SBDS: variants seen among roughly 807,000 people sequenced by gnomAD.
SBDS encodes ribosome maturation protein SBDS.
Under a neutral mutation model 26.4 loss-of-function variants are expected in SBDS, and 20 were observed. The ratio of observed to expected loss-of-function variants is 0.76; its 90% confidence interval spans 0.53 to 1.10. The LOEUF is 1.10. SBDS is among the 50% of genes least tolerant of loss of function. The pLI is 0.00. For missense variants in SBDS, 241 were observed against 302.0 expected, an observed-to-expected ratio of 0.80 and a Z score of 1.50; for synonymous variants, 95 against 105.1, an observed-to-expected ratio of 0.90 and a Z score of 0.59.
At chr7:66,990,095 C>A (rs1211524586) in intron 4 of SBDS, among the ~76,000 whole-genome samples, 18 of 151,618 alleles carry the variant, frequency 1.2e-4, no homozygotes, top group Non-Finnish European at 1.5e-5. Context: ...TCTTGGCTCA[C>A]CGCAACCTCT....
intron 2 of SBDS, 97 bp downstream of exon 2, chr7:66,994,115 A>G: frequency 1.7e-6 from 2 of 1,165,126 alleles, no homozygotes; most frequent in Non-Finnish European, 2.6e-6. Context: ...TTGCTTGGTT[A>G]GTCTTTCCTC....
chr7:66,994,962 A>G (rs1006241374), intron 1 of SBDS, among the ~76,000 whole-genome samples: 8 of 152,188 alleles, frequency 5.3e-5, no homozygotes, highest in African/African-American at 1.7e-4. Flanking sequence ...ACCCACAACT[A>G]TGACAGTATT....
Position 66,995,403 on chromosome 7 carries a change from G to A in SBDS, c.15C>T (p.Thr5=), listed in dbSNP as rs757728020. 3.1e-6 allele frequency: 5 copies of A among 1,613,898 alleles called. No homozygotes were observed. The South Asian group carries it at 4.4e-5, about 14-fold the overall frequency. The change falls in exon 1 of 5, where the codon ACC becomes ACT. Residue 5 remains threonine (T), a synonymous_variant. Coordinates refer to ENST00000246868, the MANE Select transcript of SBDS (RefSeq NM_016038.4). ...TGGTTAGGCGGATCTGGTTGGTGGG[G>A]GTGAAGATCGACATCGCGGCTGTTC... is the stretch of plus-strand genomic sequence containing the variant. MSIF[T]PTNQIRLTNV... is the part of the protein sequence containing the mutation.
chr7:66,994,907 G>A (rs1383395591), intron 1 of SBDS, among the ~76,000 whole-genome samples: 2 of 152,164 alleles, frequency 1.3e-5, no homozygotes, highest in Non-Finnish European at 2.9e-5. Context: ...AAGACACTAC[G>A]CACTTTAAAC....
At chr7:66,989,899 G>T (rs949879945) in intron 4 of SBDS, among the ~76,000 whole-genome samples, 32 of 147,806 alleles carry the variant, frequency 2.2e-4, no homozygotes, top group Admixed American at 5.4e-4. Flanking sequence ...ACAATAACAA[G>T]GTCCTAGCTT....
intron 3 of SBDS, among the ~76,000 whole-genome samples, chr7:66,991,694 G>T (rs2129231854): frequency 6.7e-6 from 1 of 149,258 alleles, no homozygotes; most frequent in African/African-American, 2.5e-5. Context: ...AGCTACTCAA[G>T]AGGCTGAGGC....
intron 2 of SBDS, among the ~76,000 whole-genome samples, chr7:66,993,669 T>A (rs1181080559): frequency 1.3e-4 from 20 of 151,452 alleles, no homozygotes; most frequent in Admixed American, 1.2e-3. Context: ...AGGTCAGGAG[T>A]TTGAGACCAA....
intron 3 of SBDS, among the ~76,000 whole-genome samples, chr7:66,992,052 C>G (rs538362937): frequency 3.4e-4 from 52 of 152,252 alleles, no homozygotes; most frequent in Admixed American, 1.3e-3. Context: ...CAGAAACATA[C>G]AAGAAATTTT....
rs28437651 is a variant in SBDS at position 66,995,106 on chromosome 7, G to T, written c.128+184C>A. Reference sequence around the variant, plus strand: ...ACCCAATCCGAACCAACCAAATAAAGAAGAAACCCTTGGCTTAGGCGCCAA... The same window carrying T: ...ACCCAATCCGAACCAACCAAATAAATAAGAAACCCTTGGCTTAGGCGCCAA... On this transcript the variant is annotated intron_variant, in intron 1 of 4. Transcript: ENST00000246868. The T allele has an allele frequency of 5.9e-4, 471 of 793,532 alleles. 4 individuals carry two copies. In the African/African-American group the frequency reaches 7.1e-3, roughly 12 times the overall value. The allele number at this position is 793,532 out of a possible 1,614,324, so 49.2% of individuals were successfully genotyped here. A position where few individuals can be genotyped will look rare whatever the true frequency, so the allele number is the denominator to read the frequency against.
At position 66,994,334 on chromosome 7, in the gene SBDS, C is replaced by G; in HGVS notation, c.136G>C (p.Asp46His). 6.2e-7 allele frequency: 1 copy of G among 1,613,918 alleles called. No individual in the cohort carries two copies. The highest frequency in any genetic ancestry group is 8.5e-7 in the Non-Finnish European group (1 of 1,179,888). ...VVGWRSGVEK[D>H]LDEVLQTHSV... is the part of the protein sequence containing the mutation. ...TGGGTCTGCAGAACTTCATCGAGGT[C>G]TTTTTCCCTTGTGAGGGCAGGAGAG... The change falls in exon 2 of 5, where the codon GAC becomes CAC. Residue 46 changes from aspartate to histidine, a missense_variant. Physicochemically the swap from Asp to His is moderately conservative, Grantham distance 81 (BLOSUM62 -1). Transcript: ENST00000246868.
In SBDS at chr7:66,994,312, G is replaced by A. The variant is rs1793040348; in HGVS notation, c.158C>T (p.Thr53Ile). Residue 53 changes from threonine (T) to isoleucine (I), a missense_variant, in exon 2 of 5, where the codon ACC becomes ATC. Thr to Ile is a moderately conservative substitution (Grantham distance 89, BLOSUM62 -1). Transcript: ENST00000246868. ...AGAAACATTTACAAACACTGAGTGG[G>A]TCTGCAGAACTTCATCGAGGTCTTT... The part of the protein sequence containing the change: ...VEKDLDEVLQ[T>I]HSVFVNVSKG... 4 of 1,613,806 alleles carry A rather than the reference G, an allele frequency of 2.5e-6. No homozygotes were observed. Among genetic ancestry groups the A allele is most frequent in the Non-Finnish European group, 3.4e-6 (4 of 1,179,878 alleles).
Position 66,988,357 on chromosome 7 carries a change from G to C in SBDS, c.*14C>G. The C allele has an allele frequency of 1.9e-6, 3 of 1,612,560 alleles. No homozygotes were observed. The highest frequency in any genetic ancestry group is 2.5e-6 in the Non-Finnish European group (3 of 1,179,824). On this transcript the variant is annotated 3_prime_UTR_variant, in exon 5 of 5. Coordinates refer to ENST00000246868, the MANE Select transcript of SBDS (RefSeq NM_016038.4). ...AACACTTTAGTGTTTTAGAGGTGAA[G>C]AGATTGATGGGTGTCATTCAAATTT...
Position 66,995,515 on chromosome 7 carries a change from C to T in SBDS, c.-98G>A, listed in dbSNP as rs1326085649. Reference sequence around the variant, plus strand: ...GCCTCGCGGTAACGACCGATCGGCGCGCGGCACTGACCCAACCACCAGTGC... The same window carrying T: ...GCCTCGCGGTAACGACCGATCGGCGTGCGGCACTGACCCAACCACCAGTGC... On this transcript the variant is annotated 5_prime_UTR_variant, in exon 1 of 5. Transcript: ENST00000246868. 6.3e-6 allele frequency: 10 copies of T among 1,580,498 alleles called. No individual in the cohort carries two copies. Among genetic ancestry groups the T allele is most frequent in the Non-Finnish European group, 7.8e-6 (9 of 1,156,776 alleles).
Position 66,995,043 on chromosome 7 carries a change from C to G in SBDS, c.128+247G>C, listed in dbSNP as rs1793068715. On this transcript the variant is annotated intron_variant, in intron 1 of 4. Transcript: ENST00000246868. The stretch of plus-strand genomic sequence containing the variant: ...CAATTACGAGATTTCTTGGCTGCAG[C>G]TTTTATGACACCAACAAAACAAAAC... 1.6e-5 allele frequency: 9 copies of G among 574,150 alleles called. No homozygotes were observed. In the South Asian group the frequency reaches 1.6e-4, roughly 10 times the overall value. 35.6% of individuals were successfully genotyped at this position (574,150 alleles called of 1,614,324 possible). A position where few individuals can be genotyped will look rare whatever the true frequency, so the allele number is the denominator to read the frequency against.
intron 4 of SBDS, among the ~76,000 whole-genome samples, chr7:66,990,796 C>T (rs1792960006): frequency 6.6e-6 from 1 of 152,096 alleles, no homozygotes; most frequent in Non-Finnish European, 1.5e-5. Context: ...GCAGGTGGAT[C>T]ATGAGGTCAG....
chr7:66,990,574 T>C (rs1245535723), intron 4 of SBDS, among the ~76,000 whole-genome samples: 2 of 152,320 alleles, frequency 1.3e-5, no homozygotes, highest in Non-Finnish European at 2.9e-5. Flanking sequence ...TCCACTAAAA[T>C]AGCAATTTTT....
At position 66,995,418 on chromosome 7, in the gene SBDS, C is replaced by G; in HGVS notation, c.-1G>C. ...GGTTGGTGGGGGTGAAGATCGACATCGCGGCTGTTCAAAGACCCAGAAGCC... is the reference window on the plus strand; with the variant it reads ...GGTTGGTGGGGGTGAAGATCGACATGGCGGCTGTTCAAAGACCCAGAAGCC... On this transcript the variant is annotated 5_prime_UTR_variant, in exon 1 of 5. Coordinates refer to ENST00000246868, the MANE Select transcript of SBDS (RefSeq NM_016038.4). 1 of 1,613,600 alleles carries G rather than the reference C, an allele frequency of 6.2e-7. No individual in the cohort carries two copies. The highest frequency in any genetic ancestry group is 1.8e-4 in the Middle Eastern group (1 of 5,598).
rs1208460774 is a variant in SBDS, at chr7:66,988,352, G to T, written c.*19C>A. 1 of 1,612,060 alleles carries T rather than the reference G, an allele frequency of 6.2e-7. No individual in the cohort carries two copies. The highest frequency in any genetic ancestry group is 1.7e-5 in the Admixed American group (1 of 60,010). On this transcript the variant is annotated 3_prime_UTR_variant, in exon 5 of 5. Transcript: ENST00000246868. ...ACGGAAACACTTTAGTGTTTTAGAG[G>T]TGAAGAGATTGATGGGTGTCATTCA...
In SBDS at chr7:66,993,358, C is replaced by T; in HGVS notation, c.318G>A (p.Gln106=). 6.2e-7 allele frequency: 1 copy of T among 1,614,126 alleles called. No homozygotes were observed. Among genetic ancestry groups the T allele is most frequent in the East Asian group, 2.2e-5 (1 of 44,878 alleles). The change falls in exon 3 of 5, where the codon CAG becomes CAA. Residue 106 remains glutamine (Q), a synonymous_variant. Transcript: ENST00000246868. ...SDKERHTQLE[Q]MFRDIATIVA... ...CAATAGTTGCAATGTCCCTAAACAT[C>T]TGCTCCAGTTGTGTGTGTCTTTCTT...
Sources: gnomAD v4.1 joint callset for allele counts (sites outside exome capture counted in the v4.1 genomes callset) on GRCh38, gnomAD v4.1.1 for gene constraint, MANE v1.5 for transcripts, NCBI Gene and HGNC (gene_info 2026-07-23, HGNC 2026-07-21) for gene names.